LCLAT1: variants seen among roughly 807,000 people sequenced by gnomAD.
LCLAT1 encodes lysocardiolipin acyltransferase 1.
Under a neutral mutation model 30.7 loss-of-function variants are expected in LCLAT1, and 11 were observed. The observed-to-expected ratio is 0.36, with a 90% CI of 0.23 to 0.59. The LOEUF is 0.59. Ranked by LOEUF, LCLAT1 falls within the 20% of genes least tolerant of loss-of-function variation. The probability of loss-of-function intolerance (pLI) is 0.77; values close to 1 mark genes in which losing one functional copy is unlikely to be tolerated. For synonymous variants in LCLAT1, 155 were observed against 151.3 expected, an observed-to-expected ratio of 1.02 and a Z score of -0.18; for missense variants, 402 against 458.6, an observed-to-expected ratio of 0.88 and a Z score of 1.13.
intron 1 of LCLAT1, among the ~76,000 whole-genome samples, chr2:30,452,830 A>C (rs1572460598): frequency 6.6e-6 from 1 of 152,202 alleles, no homozygotes; most frequent in East Asian, 1.9e-4. Context: ...GTAATGCCCC[A>C]AAAAAGTCTT....
At chr2:30,546,220 T>C (rs72858912) in intron 3 of LCLAT1, among the ~76,000 whole-genome samples, 2,033 of 152,252 alleles carry the variant, frequency 0.013, 36 homozygotes, top group African/African-American at 0.046. Context: ...GTTCCTGTAG[T>C]GGGCTGCTTT....
At chr2:30,525,530 T>G in intron 1 of LCLAT1, 57 bp from the exon 2 acceptor site, 1 of 1,343,080 alleles carries the variant, frequency 7.4e-7, no homozygotes. Flanking sequence ...ATCCTGAAAT[T>G]GAATTCGAGC....
intron 1 of LCLAT1, among the ~76,000 whole-genome samples, chr2:30,455,769 A>G (rs545737963): frequency 6.6e-6 from 1 of 151,946 alleles, no homozygotes; most frequent in East Asian, 1.9e-4. Flanking sequence ...AGTTAGCCAG[A>G]TGTGGTGGCA....
At chr2:30,566,666 C>T (rs930305434) in intron 4 of LCLAT1, among the ~76,000 whole-genome samples, 1 of 152,164 alleles carries the variant, frequency 6.6e-6, no homozygotes, top group Non-Finnish European at 1.5e-5. Flanking sequence ...TTATCAATTT[C>T]GGAATGCAGC....
At chr2:30,606,012 T>A (rs1667427047) in intron 5 of LCLAT1, 1 of 1,295,940 alleles carries the variant, frequency 7.7e-7, no homozygotes. Flanking sequence ...ACTCTGTTGA[T>A]CAGGCAGGAG....
intron 3 of LCLAT1, among the ~76,000 whole-genome samples, chr2:30,544,071 G>A (rs1664278737): frequency 6.6e-6 from 1 of 152,082 alleles, no homozygotes; most frequent in African/African-American, 2.4e-5. Flanking sequence ...ATAGTTGTGT[G>A]TTGTATTCAC....
chr2:30,502,824 A>G (rs1487947459), intron 1 of LCLAT1, among the ~76,000 whole-genome samples: 2 of 152,142 alleles, frequency 1.3e-5, no homozygotes, highest in Admixed American at 1.3e-4. Flanking sequence ...GCTGCTATTG[A>G]TGCAGGACAG....
At chr2:30,513,857 C>T (rs1319398619) in intron 1 of LCLAT1, among the ~76,000 whole-genome samples, 2 of 152,198 alleles carry the variant, frequency 1.3e-5, no homozygotes, top group Admixed American at 6.5e-5. Context: ...CCAGATAGAA[C>T]CAAATGTTCA....
At chr2:30,604,389 G>C (rs1667331679) in intron 5 of LCLAT1, among the ~76,000 whole-genome samples, 1 of 152,126 alleles carries the variant, frequency 6.6e-6, no homozygotes, top group Non-Finnish European at 1.5e-5. Context: ...TTTCTGTAGA[G>C]GGCCAGGTAG....
chr2:30,622,086 G>A (rs570825600), intron 5 of LCLAT1, among the ~76,000 whole-genome samples: 4 of 152,244 alleles, frequency 2.6e-5, no homozygotes, highest in East Asian at 1.9e-4. Context: ...GAGGGGACAC[G>A]GCAAGAGTGA....
intron 5 of LCLAT1, among the ~76,000 whole-genome samples, chr2:30,571,917 A>G (rs1665796032): frequency 6.6e-6 from 1 of 152,216 alleles, no homozygotes; most frequent in South Asian, 2.1e-4. Context: ...GCCATTTTAC[A>G]AGGAACATGA....
At chr2:30,586,346 C>G (rs1389648366) in intron 5 of LCLAT1, among the ~76,000 whole-genome samples, 1 of 151,824 alleles carries the variant, frequency 6.6e-6, no homozygotes, top group South Asian at 2.1e-4. Context: ...CCTCTGAAGG[C>G]TTTGGGGAAG....
chr2:30,520,701 C>G (rs1685432228), intron 1 of LCLAT1, among the ~76,000 whole-genome samples: 1 of 151,964 alleles, frequency 6.6e-6, no homozygotes, highest in Non-Finnish European at 1.5e-5. Flanking sequence ...TTAGGTGTTA[C>G]TATAGTTGAA....
At chr2:30,490,433 C>T (rs1440232075) in intron 1 of LCLAT1, among the ~76,000 whole-genome samples, 1 of 151,960 alleles carries the variant, frequency 6.6e-6, no homozygotes, top group Non-Finnish European at 1.5e-5. Context: ...CCTCGTGATC[C>T]GTCTGCCTCG....
At chr2:30,585,214 A>G (rs141420124) in intron 5 of LCLAT1, among the ~76,000 whole-genome samples, 1 of 152,058 alleles carries the variant, frequency 6.6e-6, no homozygotes, top group East Asian at 1.9e-4. Flanking sequence ...TCATTTTCTC[A>G]TATCTCACTA....
At chr2:30,577,393 C>A (rs1417224389) in intron 5 of LCLAT1, among the ~76,000 whole-genome samples, 1 of 152,004 alleles carries the variant, frequency 6.6e-6, no homozygotes, top group Non-Finnish European at 1.5e-5. Flanking sequence ...GTATTGCATT[C>A]GGCCACATGG....
At chr2:30,595,261 G>T (rs546660461) in intron 5 of LCLAT1, among the ~76,000 whole-genome samples, 79 of 152,108 alleles carry the variant, frequency 5.2e-4, no homozygotes, top group Middle Eastern at 3.4e-3. Context: ...CTTTGTGGGG[G>T]TTTTTTTTTC....
intron 1 of LCLAT1, among the ~76,000 whole-genome samples, chr2:30,484,790 T>A (rs1053642946): frequency 1.7e-5 from 2 of 116,348 alleles, no homozygotes; most frequent in African/African-American, 5.8e-5. Flanking sequence ...TGATTTCATT[T>A]TAAAATAAGT....
intron 5 of LCLAT1, among the ~76,000 whole-genome samples, chr2:30,610,041 G>T (rs1017794237): frequency 1.3e-5 from 2 of 152,074 alleles, no homozygotes; most frequent in Admixed American, 6.6e-5. Flanking sequence ...GAAGGATATA[G>T]GACAAATATG....
Sources: gnomAD v4.1 joint callset for allele counts (sites outside exome capture counted in the v4.1 genomes callset) on GRCh38, gnomAD v4.1.1 for gene constraint, MANE v1.5 for transcripts, NCBI Gene and HGNC (gene_info 2026-07-23, HGNC 2026-07-21) for gene names.